FILIP1: variants seen among roughly 807,000 people sequenced by gnomAD.
FILIP1 encodes filamin A interacting protein 1.
Under a neutral mutation model 102.1 loss-of-function variants are expected in FILIP1, and 61 were observed. The observed-to-expected ratio is 0.60, with a 90% CI of 0.49 to 0.74. FILIP1 has a LOEUF of 0.74. Among genes scored for constraint, FILIP1 ranks in the 30% least tolerant of loss-of-function variants. The probability of loss-of-function intolerance (pLI) is 0.00; values close to 1 mark genes in which losing one functional copy is unlikely to be tolerated. For missense variants in FILIP1, 1,314 were observed against 1,441.2 expected, an observed-to-expected ratio of 0.91 and a Z score of 1.43; for synonymous variants, 491 against 526.9, an observed-to-expected ratio of 0.93 and a Z score of 0.93.
intron 4 of FILIP1, among the ~76,000 whole-genome samples, chr6:75,341,469 T>C (rs1774418561): frequency 6.6e-6 from 1 of 152,142 alleles, no homozygotes; most frequent in Admixed American, 6.5e-5. Context: ...TTGACATCTT[T>C]ATGATGTTGA....
intron 3 of FILIP1, among the ~76,000 whole-genome samples, chr6:75,355,766 G>A (rs1774973113): frequency 6.6e-6 from 1 of 152,166 alleles, no homozygotes; most frequent in Non-Finnish European, 1.5e-5. Flanking sequence ...CTGGTGCTGA[G>A]CACAGGCCCT....
chr6:75,325,181 C>G (rs1017896867), intron 4 of FILIP1, among the ~76,000 whole-genome samples: 1 of 152,068 alleles, frequency 6.6e-6, no homozygotes, highest in Admixed American at 6.5e-5. Context: ...TTTGGGAGGC[C>G]GAGGCCAAGG....
chr6:75,443,635 A>T (rs1227067703), intron 1 of FILIP1, among the ~76,000 whole-genome samples: 2 of 152,156 alleles, frequency 1.3e-5, no homozygotes, highest in East Asian at 3.8e-4. Flanking sequence ...AATCTGGGAA[A>T]TTTCACATTC....
intron 2 of FILIP1, among the ~76,000 whole-genome samples, chr6:75,370,419 G>T (rs1008812977): frequency 6.6e-6 from 1 of 152,076 alleles, no homozygotes; most frequent in Non-Finnish European, 1.5e-5. Context: ...AAAATTAAGT[G>T]ATGTGAAAGT....
At chr6:75,439,501 A>G (rs1358532242) in intron 1 of FILIP1, among the ~76,000 whole-genome samples, 1 of 152,270 alleles carries the variant, frequency 6.6e-6, no homozygotes, top group Non-Finnish European at 1.5e-5. Context: ...TAAAATATGA[A>G]GGAGGGCAGG....
intron 4 of FILIP1, among the ~76,000 whole-genome samples, chr6:75,317,984 T>A: frequency 6.6e-6 from 1 of 152,188 alleles, no homozygotes; most frequent in Non-Finnish European, 1.5e-5. Flanking sequence ...ATTCAATACC[T>A]GACCTCCTTG....
intron 4 of FILIP1, among the ~76,000 whole-genome samples, chr6:75,330,526 T>TA (rs961389374): frequency 7.2e-5 from 11 of 151,816 alleles, no homozygotes; most frequent in African/African-American, 1.7e-4. Flanking sequence ...AACTTGGTGA[T>TA]AAAAAAAATT....
chr6:75,451,782 C>T (rs918406394), intron 1 of FILIP1, among the ~76,000 whole-genome samples: 4 of 151,846 alleles, frequency 2.6e-5, no homozygotes, highest in South Asian at 2.1e-4. Flanking sequence ...TCCAGTGAGC[C>T]GAGATTGAGC....
In FILIP1 at chr6:75,308,724, G is replaced by T; in HGVS notation, c.3609C>A (p.Ser1203Arg). The T allele has an allele frequency of 6.2e-7, 1 of 1,613,378 alleles. No homozygotes were observed. The highest frequency in any genetic ancestry group is 8.5e-7 in the Non-Finnish European group (1 of 1,179,976). ...TCCCCCCTCCGAGAGAGGTGGTGCT[G>T]CTGGCTGCAGATTTCTTCAGCTCTA... ...MKIELKKSAA[S>R]STTSLGGGKG Residue 1203 changes from serine (S) to arginine (R), a missense_variant, in exon 6 of 6, where the codon AGC (serine) becomes AGA (arginine). Transcript: ENST00000237172.
rs558878852 is a variant in FILIP1 at position 75,330,394 on chromosome 6, G to A, written c.630-15192C>T. On this transcript the variant is annotated intron_variant, in intron 4 of 5. Coordinates refer to ENST00000237172, the MANE Select transcript of FILIP1 (RefSeq NM_015687.5). ...TGAAGATGAGTTTACAAAAGCCCTC[G>A]TACACTTTTTTTCTCCTCTTGTCTT... 3.3e-5 allele frequency among the ~76,000 whole-genome samples: 5 copies of A among 152,074 alleles called. No individual in the cohort carries two copies. The South Asian group carries it at 6.2e-4, about 19-fold the overall frequency.
chr6:75,431,136 G>A (rs868205172), intron 1 of FILIP1, among the ~76,000 whole-genome samples: 1 of 152,132 alleles, frequency 6.6e-6, no homozygotes, highest in Admixed American at 6.5e-5. Flanking sequence ...GAGCCTTGGC[G>A]GTAGCCATGG....
chr6:75,450,466 G>A (rs1310752776), intron 1 of FILIP1, among the ~76,000 whole-genome samples: 1 of 151,936 alleles, frequency 6.6e-6, no homozygotes, highest in African/African-American at 2.4e-5. Flanking sequence ...GGGCAATAAA[G>A]CAAGACCATA....
At chr6:75,445,297 C>A (rs1017647209) in intron 1 of FILIP1, among the ~76,000 whole-genome samples, 1 of 152,154 alleles carries the variant, frequency 6.6e-6, no homozygotes, top group Non-Finnish European at 1.5e-5. Flanking sequence ...AAGACCTAAG[C>A]TTTTCAAGGT....
chr6:75,421,892 C>T (rs542312669), intron 1 of FILIP1, among the ~76,000 whole-genome samples: 1 of 152,260 alleles, frequency 6.6e-6, no homozygotes, highest in African/African-American at 2.4e-5. Flanking sequence ...GGAACCAGGA[C>T]TCATGTCTCA....
chr6:75,394,142 T>C (rs1480108424), intron 2 of FILIP1, among the ~76,000 whole-genome samples: 2 of 152,324 alleles, frequency 1.3e-5, no homozygotes, highest in African/African-American at 2.4e-5. Context: ...TTTCACTCTT[T>C]TAGGCTTCTA....
At position 75,353,724 on chromosome 6, in the gene FILIP1, A is replaced by G. The variant is rs753131838; in HGVS notation, c.451-7T>C. On this transcript the variant is annotated splice_region_variant and splice_polypyrimidine_tract_variant and intron_variant, in intron 3 of 5. Coordinates refer to ENST00000237172, the MANE Select transcript of FILIP1 (RefSeq NM_015687.5). ...TTTCCTCAAGTCTGTCCAGCTGAATAAGCAAACATGGGAAAGGGCTTAATA... is the reference window on the plus strand; with the variant it reads ...TTTCCTCAAGTCTGTCCAGCTGAATGAGCAAACATGGGAAAGGGCTTAATA... The G allele has an allele frequency of 6.2e-7, 1 of 1,612,102 alleles. No homozygotes were observed. Among genetic ancestry groups the G allele is most frequent in the South Asian group, 1.1e-5 (1 of 90,974 alleles).
At chr6:75,374,162 G>GT (rs1421079629) in intron 2 of FILIP1, among the ~76,000 whole-genome samples, 1 of 152,076 alleles carries the variant, frequency 6.6e-6, no homozygotes, top group Non-Finnish European at 1.5e-5. Flanking sequence ...TATTAATAGT[G>GT]TGTCAGCTGC....
chr6:75,414,552 C>T (rs1419136099), intron 2 of FILIP1, 145 bp downstream of exon 2: 3 of 777,896 alleles, frequency 3.9e-6, no homozygotes, highest in African/African-American at 1.7e-5. Context: ...CAAACTTGTG[C>T]CAGGCACTAG....
intron 1 of FILIP1, among the ~76,000 whole-genome samples, chr6:75,482,775 A>G (rs1779680139): frequency 6.6e-6 from 1 of 152,228 alleles, no homozygotes; most frequent in Admixed American, 6.5e-5. Context: ...TGTTACTGCC[A>G]TGTTTATCAA....
Sources: gnomAD v4.1 joint callset for allele counts (sites outside exome capture counted in the v4.1 genomes callset) on GRCh38, gnomAD v4.1.1 for gene constraint, MANE v1.5 for transcripts, NCBI Gene and HGNC (gene_info 2026-07-23, HGNC 2026-07-21) for gene names.